Variants in CREB3L3 observed in about 807,000 individuals in gnomAD.
CREB3L3 encodes cAMP responsive element binding protein 3 like 3.
A neutral mutation model predicts 44.6 loss-of-function variants in CREB3L3; 40 were observed. The observed-to-expected ratio is 0.90, with a 90% confidence interval of 0.70 to 1.17. The LOEUF (loss-of-function observed/expected upper bound fraction) is 1.17, where lower values mean the gene tolerates loss of function less well. Among genes scored for constraint, CREB3L3 ranks in the 50% most tolerant of loss-of-function variants. The pLI, the probability that CREB3L3 is intolerant of heterozygous loss-of-function variation, is 0.00. For synonymous variants in CREB3L3, 273 were observed against 256.3 expected, an observed-to-expected ratio of 1.06 and a Z score of -0.62; for missense variants, 578 against 595.8, an observed-to-expected ratio of 0.97 and a Z score of 0.31.
At position 4,172,317 on chromosome 19, in the gene CREB3L3, A is replaced by T; in HGVS notation, c.*348A>T. The T allele has an allele frequency of 2.2e-6, 1 of 449,956 alleles. No homozygotes were observed. The highest frequency in any genetic ancestry group is 4.0e-6 in the Non-Finnish European group (1 of 248,104). The allele number at this position is 449,956 out of a possible 1,614,324, so 27.9% of individuals were successfully genotyped here. On this transcript the variant is annotated 3_prime_UTR_variant, in exon 10 of 10. Transcript: ENST00000078445. ...GACACAGCCTGAAACAGACCCAGACAAACAGACAGACAGACACAGCCTGAA... is the reference window on the plus strand; with the variant it reads ...GACACAGCCTGAAACAGACCCAGACTAACAGACAGACAGACACAGCCTGAA...
At chr19:4,167,879 G>A (rs1339189418) in intron 5 of CREB3L3, among the ~76,000 whole-genome samples, 1 of 152,116 alleles carries the variant, frequency 6.6e-6, no homozygotes, top group Non-Finnish European at 1.5e-5. Context: ...ATGGGGTGAA[G>A]TTGTGGGGTC....
chr19:4,155,872 C>CCT (rs1385108466), intron 2 of CREB3L3, among the ~76,000 whole-genome samples: 2 of 151,810 alleles, frequency 1.3e-5, no homozygotes, highest in African/African-American at 4.8e-5. Flanking sequence ...CTCAACTTCC[C>CCT]GAGTAGCTGG....
chr19:4,171,888 C>T lies in CREB3L3; in HGVS notation c.1305C>T (p.Val435=), dbSNP rs113012096. 1.1e-5 allele frequency: 17 copies of T among 1,612,804 alleles called. No homozygotes were observed. The highest frequency in any genetic ancestry group is 6.6e-5 in the South Asian group (6 of 91,058). Residue 435 remains valine, a synonymous_variant, in exon 10 of 10, where the codon GTC becomes GTT. Coordinates refer to ENST00000078445, the MANE Select transcript of CREB3L3 (RefSeq NM_032607.3). This position sits in a 1 kb window ranked among gnomAD's most constrained non-coding sequence, Gnocchi z 4.9. ...LRNATEGLGQ[V]ALLDWVAPGP... is the part of the protein sequence containing the mutation. ...ATGCAACAGAGGGGCTGGGCCAGGT[C>T]GCCCTGCTGGACTGGGTGGCGCCTG...
At chr19:4,154,842 G>T (rs1003003182) in intron 1 of CREB3L3, 57 bp from the exon 2 acceptor site, 14 of 1,611,602 alleles carry the variant, frequency 8.7e-6, no homozygotes, top group Non-Finnish European at 5.1e-6. Context: ...TGTGCACATG[G>T]GAGGTGGGGA....
intron 1 of CREB3L3, 71 bp from the exon 2 acceptor site, chr19:4,154,828 G>A: frequency 6.2e-7 from 1 of 1,608,796 alleles, no homozygotes; most frequent in African/African-American, 1.3e-5. Flanking sequence ...AAGAGCCAGG[G>A]TTATGTGCAC....
At position 4,172,201 on chromosome 19, in the gene CREB3L3, G is replaced by C; in HGVS notation, c.*232G>C. 1.7e-6 allele frequency: 1 copy of C among 601,082 alleles called. No individual in the cohort carries two copies. The highest frequency in any genetic ancestry group is 2.9e-6 in the Non-Finnish European group (1 of 339,728). 37.2% of individuals were successfully genotyped at this position (601,082 alleles called of 1,614,324 possible). A position where few individuals can be genotyped will look rare whatever the true frequency, so the allele number is the denominator to read the frequency against. The stretch of plus-strand genomic sequence containing the variant: ...CCACAGGACCCGGGAAATACACACA[G>C]AGCCAGGAGCAGAAGCAAAGAGCAG... On this transcript the variant is annotated 3_prime_UTR_variant, in exon 10 of 10. Coordinates refer to ENST00000078445, the MANE Select transcript of CREB3L3 (RefSeq NM_032607.3).
In CREB3L3 at chr19:4,171,507, T is replaced by C. The variant is rs1005107137; in HGVS notation, c.1072+28T>C. 3.7e-6 allele frequency: 6 copies of C among 1,610,846 alleles called. No individual in the cohort carries two copies. Among genetic ancestry groups the C allele is most frequent in the East Asian group, 4.5e-5 (2 of 44,842 alleles). Reference sequence around the variant, plus strand: ...AGGGGATCCCCACCTTTGAAACCCTTGTCTGGTCTCCCCAAGTCCCCGTCC... The same window carrying C: ...AGGGGATCCCCACCTTTGAAACCCTCGTCTGGTCTCCCCAAGTCCCCGTCC... On this transcript the variant is annotated intron_variant, in intron 9 of 9. Transcript: ENST00000078445. This position sits in a 1 kb window ranked among gnomAD's most constrained non-coding sequence, Gnocchi z 4.9.
chr19:4,153,681 G>A lies in CREB3L3; in HGVS notation c.-67G>A, dbSNP rs374957915. ...TTGCCCGGCCCCAGGTAACGCTGGCGGTGGGTGGGCCTCCAGCTTGGAGCA... is the reference window on the plus strand; with the variant it reads ...TTGCCCGGCCCCAGGTAACGCTGGCAGTGGGTGGGCCTCCAGCTTGGAGCA... On this transcript the variant is annotated 5_prime_UTR_variant, in exon 1 of 10. Transcript: ENST00000078445. The A allele has an allele frequency of 1.1e-4, 170 of 1,598,582 alleles. 1 individual carries two copies. Among genetic ancestry groups the A allele is most frequent in the South Asian group, 6.9e-4 (62 of 90,390 alleles).
At chr19:4,155,147 C>A in intron 2 of CREB3L3, 120 bp downstream of exon 2, 1 of 1,262,742 alleles carries the variant, frequency 7.9e-7, no homozygotes, top group Non-Finnish European at 1.1e-6. Context: ...CTACGATGCA[C>A]TAATGGGTCA....
At chr19:4,170,064 G>A in intron 6 of CREB3L3, 76 bp from the exon 7 acceptor site, 1 of 1,383,612 alleles carries the variant, frequency 7.2e-7, no homozygotes. Context: ...GTAACGTGAG[G>A]CCTCTGGGGG....
intron 4 of CREB3L3, among the ~76,000 whole-genome samples, chr19:4,162,516 CA>C (rs777481446): frequency 7.4e-4 from 72 of 96,732 alleles, no homozygotes; most frequent in Middle Eastern, 7.7e-3. Flanking sequence ...CTCGTCTCTA[CA>C]AAAAAAAAAA....
intron 2 of CREB3L3, among the ~76,000 whole-genome samples, chr19:4,156,506 CTTTTTTTT>C (rs1019504419): frequency 2.5e-5 from 3 of 121,734 alleles, no homozygotes; most frequent in Non-Finnish European, 3.5e-5. Context: ...TTCTTTTTTT[CTTTTTTTT>C]TTTTTTTTGA....
intron 3 of CREB3L3, among the ~76,000 whole-genome samples, chr19:4,157,936 C>T (rs755517398): frequency 6.6e-6 from 1 of 152,026 alleles, no homozygotes; most frequent in Non-Finnish European, 1.5e-5. Flanking sequence ...CTGCCCACCT[C>T]AGCCTCCCAA....
chr19:4,157,377 A>T, intron 3 of CREB3L3, 82 bp downstream of exon 3: 18 of 1,494,204 alleles, frequency 1.2e-5, no homozygotes, highest in Non-Finnish European at 1.7e-5. Context: ...AGGCCCAGAG[A>T]GGGCTGGCAT....
At chr19:4,170,969 C>T in intron 7 of CREB3L3, 122 bp from the exon 8 acceptor site, 1 of 696,354 alleles carries the variant, frequency 1.4e-6, no homozygotes, top group South Asian at 1.6e-5. Context: ...TAATAAAGAG[C>T]CAGAGGCCCT....
chr19:4,168,785 G>A (rs1966979755), intron 6 of CREB3L3, among the ~76,000 whole-genome samples: 1 of 152,158 alleles, frequency 6.6e-6, no homozygotes, highest in Admixed American at 6.6e-5. Flanking sequence ...AGGCTGGAGT[G>A]CAGTGGTGCG....
chr19:4,158,799 CAAAAAA>C (rs760741012), intron 3 of CREB3L3, among the ~76,000 whole-genome samples: 4 of 64,312 alleles, frequency 6.2e-5, no homozygotes, highest in African/African-American at 1.9e-4. Context: ...GACTCCGTCT[CAAAAAA>C]AAAAAAAAAA....
Position 4,164,540 on chromosome 19 carries a change from C to A in CREB3L3, c.614C>A (p.Pro205His). Residue 205 changes from proline (P) to histidine (H), a missense_variant, in exon 5 of 10, where the codon CCT becomes CAT. Physicochemically the swap from Pro to His is moderately conservative, Grantham distance 77. Transcript: ENST00000078445. ...CTGGGGGCCTCCTACCTCCTGCGAC[C>A]TGGGGCTGGGCACTGTCAGGAGCTG... The part of the protein sequence containing the change: ...HHLGASYLLR[P>H]GAGHCQELVL... The A allele has an allele frequency of 4.3e-6, 7 of 1,614,130 alleles. No individual in the cohort carries two copies. The highest frequency in any genetic ancestry group is 5.9e-6 in the Non-Finnish European group (7 of 1,180,040).
intron 5 of CREB3L3, among the ~76,000 whole-genome samples, chr19:4,167,414 AGAAAGAAAAGAAAGAAAGAAAG>A (rs1306524148): frequency 1.4e-5 from 2 of 146,910 alleles, no homozygotes; most frequent in Non-Finnish European, 3.0e-5. Flanking sequence ...AGAAAGGAAA[AGAAAGAAAAGAAAGAAAGAAAG>A]GAAAGAAAGA....
Sources: allele counts gnomAD v4.1 joint callset (sites outside exome capture counted in the v4.1 genomes callset), GRCh38; gene constraint gnomAD v4.1.1; non-coding constraint Gnocchi (gnomAD v3.1); transcripts MANE v1.5; gene names NCBI Gene and HGNC (gene_info 2026-07-23, HGNC 2026-07-21).